Variants in SYNPO observed in about 807,000 individuals in gnomAD.
SYNPO encodes synaptopodin.
SYNPO carries 19 observed loss-of-function variants against 49.5 expected under a neutral mutation model. That is an observed-to-expected ratio of 0.38 (90% CI 0.27 to 0.56). The LOEUF (loss-of-function observed/expected upper bound fraction) is 0.56. SYNPO is among the 20% of genes least tolerant of loss of function. SYNPO has a pLI of 0.68. For missense variants in SYNPO, 1,131 were observed against 1,248.3 expected (o/e 0.91, Z 1.42); for synonymous variants, 536 against 548.0 (o/e 0.98, Z 0.31).
chr5:150,600,137 A>G (rs1756494884), upstream of SYNPO, among the ~76,000 whole-genome samples: 1 of 152,188 alleles, frequency 6.6e-6, no homozygotes, highest in South Asian at 2.1e-4. Context: ...GTTCCTAGAG[A>G]ACAGATGGAG....
chr5:150,601,735 T>C (rs1439387388), intron 1 of SYNPO, among the ~76,000 whole-genome samples: 3 of 152,114 alleles, frequency 2.0e-5, no homozygotes, highest in Admixed American at 6.5e-5. Flanking sequence ...GAGGGTCCTC[T>C]GGGGTGAGAG....
At chr5:150,598,335 A>G (rs1362841736), upstream of SYNPO, among the ~76,000 whole-genome samples, 1 of 152,214 alleles carries the variant, frequency 6.6e-6, no homozygotes, top group African/African-American at 2.4e-5. Flanking sequence ...GTCACCAGGG[A>G]CAGAAAATGC....
In SYNPO at chr5:150,649,542, C is replaced by T. The variant is rs752931073; in HGVS notation, c.1267C>T (p.Leu423=). 6.2e-7 allele frequency: 1 copy of T among 1,610,664 alleles called. No individual in the cohort carries two copies. The highest frequency in any genetic ancestry group is 1.1e-5 in the South Asian group (1 of 90,778). ...AGGCGTGGAGGAGGAGCCCTTCGCA[C>T]TGGGGGCCGAGGCCTCCAACTTCCA... The part of the protein sequence containing the change: ...EVGVEEEPFA[L]GAEASNFQQE... The change falls in exon 2 of 3, where the codon CTG becomes TTG. Residue 423 remains leucine (L), a synonymous_variant. Transcript: ENST00000307662.
At chr5:150,590,933 G>A in the SYNPO span, among the ~76,000 whole-genome samples, 1 of 152,128 alleles carries the variant, frequency 6.6e-6, no homozygotes, top group African/African-American at 2.4e-5. Flanking sequence ...AAGGGACTGG[G>A]GCCTTCTCTG....
intron 1 of SYNPO, among the ~76,000 whole-genome samples, chr5:150,641,689 A>C (rs1012931150): frequency 8.1e-4 from 123 of 152,240 alleles, no homozygotes; most frequent in Non-Finnish European, 7.3e-5. Flanking sequence ...CTGACTCCCA[A>C]CATAGTGATC....
At chr5:150,596,989 T>G (rs146283530), upstream of SYNPO, among the ~76,000 whole-genome samples, 185 of 152,362 alleles carry the variant, frequency 1.2e-3, no homozygotes, top group Non-Finnish European at 2.2e-3. Flanking sequence ...GACTGGCACC[T>G]GCTTGCAGGG....
intron 1 of SYNPO, among the ~76,000 whole-genome samples, chr5:150,609,787 G>A (rs572329157): frequency 1.3e-4 from 8 of 61,802 alleles, no homozygotes; most frequent in South Asian, 5.6e-4. Context: ...TGAATGTGGC[G>A]GGGGGGGGCA....
chr5:150,592,790 G>A, the SYNPO span, among the ~76,000 whole-genome samples: 1 of 152,204 alleles, frequency 6.6e-6, no homozygotes, highest in African/African-American at 2.4e-5. Context: ...GAGTGACTGA[G>A]TGTGTTTGCC....
chr5:150,603,341 G>A (rs1756602892), intron 1 of SYNPO, among the ~76,000 whole-genome samples: 1 of 152,246 alleles, frequency 6.6e-6, no homozygotes, highest in Non-Finnish European at 1.5e-5. Flanking sequence ...TAGCCAGGGA[G>A]AGGTGCACTG....
At chr5:150,586,046 A>C in the SYNPO span, among the ~76,000 whole-genome samples, 1 of 152,222 alleles carries the variant, frequency 6.6e-6, no homozygotes, top group Non-Finnish European at 1.5e-5. Context: ...CCAGGCTCTG[A>C]AGGTCCTCAG....
chr5:150,609,797 A>G (rs868385167), intron 1 of SYNPO, among the ~76,000 whole-genome samples: 1 of 134,172 alleles, frequency 7.5e-6, no homozygotes, highest in Middle Eastern at 4.7e-3. Flanking sequence ...GGGGGGGGGC[A>G]GTGTGGAGCA....
chr5:150,637,964 G>A (rs370983714), upstream of SYNPO, among the ~76,000 whole-genome samples: 2 of 152,270 alleles, frequency 1.3e-5, no homozygotes, highest in East Asian at 1.9e-4. Context: ...GCCTGGTAAT[G>A]TACATAGCTC....
chr5:150,651,412 T>C (rs1758380945), intron 2 of SYNPO: 1 of 1,000,292 alleles, frequency 1.0e-6, no homozygotes, highest in Non-Finnish European at 1.2e-6. Flanking sequence ...TCTGTGAGGA[T>C]TGAGAGGATA....
chr5:150,607,292 G>C (rs976706111), intron 1 of SYNPO, among the ~76,000 whole-genome samples: 4 of 152,202 alleles, frequency 2.6e-5, no homozygotes, highest in Non-Finnish European at 5.9e-5. Flanking sequence ...CTGATGTTAG[G>C]CTGCATTAAT....
rs1348675233 is a variant in SYNPO, at chr5:150,648,811, G to C, written c.536G>C (p.Ser179Thr). ...TFSREATLIP[S>T]SRPPASDFMS... is the part of the protein sequence containing the mutation. ...TCCAGAGAAGCTACGCTCATCCCCA[G>C]CTCCAGGCCCCCAGCCTCAGATTTC... is the stretch of plus-strand genomic sequence containing the variant. Residue 179 changes from serine to threonine, a missense_variant, in exon 2 of 3, where the codon AGC becomes ACC. Transcript: ENST00000307662. The surrounding 1 kb of genome is among the most constrained non-coding windows in gnomAD (Gnocchi z 5.0). 6.2e-7 allele frequency: 1 copy of C among 1,614,056 alleles called. No homozygotes were observed. Among genetic ancestry groups the C allele is most frequent in the Non-Finnish European group, 8.5e-7 (1 of 1,180,030 alleles).
At chr5:150,593,448 A>C in the SYNPO span, among the ~76,000 whole-genome samples, 1 of 152,102 alleles carries the variant, frequency 6.6e-6, no homozygotes, top group African/African-American at 2.4e-5. Context: ...ATATTCCAGA[A>C]GTGGCTTGGC....
At chr5:150,612,186 T>C (rs1756866639) in intron 1 of SYNPO, among the ~76,000 whole-genome samples, 1 of 152,214 alleles carries the variant, frequency 6.6e-6, no homozygotes, top group Non-Finnish European at 1.5e-5. Flanking sequence ...ACAGTTCCCC[T>C]ACCCTAGACT....
In SYNPO at chr5:150,641,118, C is replaced by A. The variant is rs919356156; in HGVS notation, c.-333+264C>A. Among the ~76,000 whole-genome samples, 4 of 152,214 alleles carry A rather than the reference C, an allele frequency of 2.6e-5. No homozygotes were observed. The South Asian group carries it at 8.3e-4, about 32-fold the overall frequency. ...AAGAGGAGGTCTGGCAGTCTGCCGA[C>A]CCCAGTCAGATTGCGCTCGCCATGA... On this transcript the variant is annotated intron_variant, in intron 1 of 2. Coordinates refer to ENST00000307662, the MANE Select transcript of SYNPO (RefSeq NM_007286.6).
At chr5:150,589,745 T>C in the SYNPO span, among the ~76,000 whole-genome samples, 1 of 152,232 alleles carries the variant, frequency 6.6e-6, no homozygotes, top group African/African-American at 2.4e-5. Flanking sequence ...ATTATTGGAT[T>C]ATGAGCCACA....
Sources: gnomAD v4.1 joint callset for allele counts (sites outside exome capture counted in the v4.1 genomes callset) on GRCh38, gnomAD v4.1.1 for gene constraint, Gnocchi (gnomAD v3.1) non-coding constraint, MANE v1.5 for transcripts, NCBI Gene and HGNC (gene_info 2026-07-23, HGNC 2026-07-21) for gene names.